The following LMOD3 variants were observed in gnomAD, a reference collection of about 807,000 sequenced individuals.
The protein encoded by LMOD3 is leiomodin-3.
LMOD3 carries 31 observed loss-of-function variants against 41.8 expected under a neutral mutation model. The ratio of observed to expected loss-of-function variants is 0.74; its 90% confidence interval spans 0.56 to 1.00. The LOEUF (loss-of-function observed/expected upper bound fraction) is 1.00. Ranked by LOEUF, LMOD3 falls within the 50% of genes least tolerant of loss-of-function variation. LMOD3 has a pLI of 0.00. For synonymous variants in LMOD3, 292 were observed against 241.9 expected (o/e 1.21, Z -1.92); for missense variants, 755 against 679.5 (o/e 1.11, Z -1.23).
chr3:69,116,237 G>A (rs2092372144), intron 2 of LMOD3, among the ~76,000 whole-genome samples: 1 of 152,230 alleles, frequency 6.6e-6, no homozygotes, highest in Non-Finnish European at 1.5e-5. Context: ...AGTGCAAGGA[G>A]GCATTTTCAT....
chr3:69,113,128 A>AG (rs1308633591), intron 2 of LMOD3, among the ~76,000 whole-genome samples: 1 of 151,976 alleles, frequency 6.6e-6, no homozygotes, highest in Non-Finnish European at 1.5e-5. Context: ...ATGGGGGAGG[A>AG]GGGGTCGAAG....
intron 2 of LMOD3, among the ~76,000 whole-genome samples, chr3:69,117,976 T>C (rs2092384180): frequency 6.6e-6 from 1 of 151,954 alleles, no homozygotes; most frequent in Admixed American, 6.6e-5. Context: ...GGACTACAGG[T>C]GCCCGCCACC....
At chr3:69,111,230 T>C (rs1306861862) in intron 2 of LMOD3, among the ~76,000 whole-genome samples, 1 of 152,204 alleles carries the variant, frequency 6.6e-6, no homozygotes, top group African/African-American at 2.4e-5. Flanking sequence ...TGGCTAGGAA[T>C]GTTTTTCCAA....
rs752807599 is a variant in LMOD3 at position 69,107,453 on chromosome 3, GTTTTTTTTTTTTTTTTTTT to G, written c.*1623_*1641del. ...AAAGAAGAGAGAAAAGGCACCAAAG[GTTTTTTTTTTTTTTTTTTT>G]TTTTTTTTTTTTTTTTTTTTTTGAG... On this transcript the variant is annotated 3_prime_UTR_variant, in exon 3 of 3. Coordinates refer to ENST00000420581, the MANE Select transcript of LMOD3 (RefSeq NM_198271.5). 2.6e-3 allele frequency: 97 copies of G among 37,372 alleles called. No individual in the cohort carries two copies. Among genetic ancestry groups the G allele is most frequent in the Middle Eastern group, 0.016 (1 of 62 alleles). 2.3% of individuals were successfully genotyped at this position (37,372 alleles called of 1,614,324 possible).
intron 2 of LMOD3, among the ~76,000 whole-genome samples, chr3:69,117,044 T>C (rs765698624): frequency 1.3e-5 from 2 of 152,252 alleles, no homozygotes; most frequent in Non-Finnish European, 2.9e-5. Context: ...GTGGTAGAAC[T>C]AGTTTCTCTC....
chr3:69,118,656 T>C (rs1285318890), intron 2 of LMOD3, 43 bp downstream of exon 2: 2 of 1,569,804 alleles, frequency 1.3e-6, no homozygotes, highest in Non-Finnish European at 1.7e-6. Flanking sequence ...ATGCATTTAC[T>C]ATGGAGGGTG....
chr3:69,110,909 T>TAAAACAACA lies in LMOD3; in HGVS notation c.1657-1797_1657-1789dup, dbSNP rs1195447646. On this transcript the variant is annotated intron_variant, in intron 2 of 2. Transcript: ENST00000420581. ...CATCCCCCAAGACAAAAAAAAATTATAAAACAACAACAGAAGTCCAACACT... is the reference window on the plus strand; with the variant it reads ...CATCCCCCAAGACAAAAAAAAATTATAAAACAACAAAAACAACAACAGAAGTCCAACACT... Among the ~76,000 whole-genome samples, 3 of 142,184 alleles carry TAAAACAACA rather than the reference T, an allele frequency of 2.1e-5. No homozygotes were observed. In the East Asian group the frequency reaches 6.5e-4, roughly 31 times the overall value. 93.3% of individuals were successfully genotyped at this position (142,184 alleles called of 152,430 possible).
At chr3:69,115,932 G>A (rs545482166) in intron 2 of LMOD3, among the ~76,000 whole-genome samples, 323 of 152,216 alleles carry the variant, frequency 2.1e-3, no homozygotes, top group African/African-American at 7.6e-3. Context: ...TACCTCCATT[G>A]AGTCATGTGC....
At position 69,109,088 on chromosome 3, in the gene LMOD3, T is replaced by A; in HGVS notation, c.*7A>T. ...TTTCTTGTTCTTCTAGATGGCTCTG[T>A]TGCCTCTTACGCCAGTTCTTTTGGC... On this transcript the variant is annotated 3_prime_UTR_variant, in exon 3 of 3. Coordinates refer to ENST00000420581, the MANE Select transcript of LMOD3 (RefSeq NM_198271.5). 2 of 1,598,174 alleles carry A rather than the reference T, an allele frequency of 1.3e-6. No homozygotes were observed. Among genetic ancestry groups the A allele is most frequent in the Non-Finnish European group, 1.7e-6 (2 of 1,171,700 alleles).
chr3:69,108,056 G>A lies in LMOD3; in HGVS notation c.*1039C>T, dbSNP rs747000777. 4.6e-5 allele frequency: 7 copies of A among 152,148 alleles called. No homozygotes were observed. Among genetic ancestry groups the A allele is most frequent in the Non-Finnish European group, 5.9e-5 (4 of 68,034 alleles). 9.4% of individuals were successfully genotyped at this position (152,148 alleles called of 1,614,324 possible). On this transcript the variant is annotated 3_prime_UTR_variant, in exon 3 of 3. Transcript: ENST00000420581. ...AGGGTGTGCACAAGGATGTTTCATC[G>A]AGTAGAGTATAAAGGATTTGTGGGA...
In LMOD3 at chr3:69,118,766, A is replaced by G; in HGVS notation, c.1589T>C (p.Val530Ala). The change falls in exon 2 of 3, where the codon GTG (valine) becomes GCG (alanine). Residue 530 changes from valine to alanine, a missense_variant. By Grantham distance (64) the Val-to-Ala change is moderately conservative (BLOSUM62 0). Transcript: ENST00000420581. Reference protein sequence around the residue: ...PVPRNRPPPLVEITPRDQLLN... With the variant: ...PVPRNRPPPLAEITPRDQLLN... ...CAGCTGATCTCTGGGAGTGATTTCCACCAATGGGGGTGGCCTGTTTCTCGG... is the reference window on the plus strand; with the variant it reads ...CAGCTGATCTCTGGGAGTGATTTCCGCCAATGGGGGTGGCCTGTTTCTCGG... 1.2e-6 allele frequency: 2 copies of G among 1,611,448 alleles called. No individual in the cohort carries two copies. The highest frequency in any genetic ancestry group is 1.1e-5 in the South Asian group (1 of 90,804).
chr3:69,117,198 G>A (rs2092378634), intron 2 of LMOD3, among the ~76,000 whole-genome samples: 2 of 152,198 alleles, frequency 1.3e-5, no homozygotes, highest in African/African-American at 4.8e-5. Context: ...CCTGGCCACT[G>A]CTCCAGGAAG....
chr3:69,118,564 G>A (rs150063194), intron 2 of LMOD3, 135 bp downstream of exon 2: 424 of 953,532 alleles, frequency 4.4e-4, no homozygotes, highest in Non-Finnish European at 6.2e-4. Flanking sequence ...TAGTTCTATT[G>A]GTAATGCTCA....
Position 69,114,087 on chromosome 3 carries a change from C to G in LMOD3, c.1656+4612G>C, listed in dbSNP as rs76299315. 2.1e-3 allele frequency among the ~76,000 whole-genome samples: 327 copies of G among 152,196 alleles called. 3 individuals carry two copies. The highest frequency in any genetic ancestry group is 3.8e-3 in the Non-Finnish European group (257 of 68,016). Reference sequence around the variant, plus strand: ...GTAAATGAGTGAAGCATGCCAGGTACAAAGCAGTAAGGGCAAAAGAGAAAA... The same window carrying G: ...GTAAATGAGTGAAGCATGCCAGGTAGAAAGCAGTAAGGGCAAAAGAGAAAA... On this transcript the variant is annotated intron_variant, in intron 2 of 2. Coordinates refer to ENST00000420581, the MANE Select transcript of LMOD3 (RefSeq NM_198271.5).
chr3:69,121,266 A>C (rs1278008953), intron 1 of LMOD3, among the ~76,000 whole-genome samples: 1 of 152,208 alleles, frequency 6.6e-6, no homozygotes, highest in Non-Finnish European at 1.5e-5. Flanking sequence ...TCTTAATCTT[A>C]GCACATGTTT....
In LMOD3 at chr3:69,106,676, C is replaced by T. The variant is rs1245723691; in HGVS notation, c.*2419G>A. Among the ~76,000 whole-genome samples the T allele has an allele frequency of 1.3e-5, 2 of 150,820 alleles. No individual in the cohort carries two copies. The highest frequency in any genetic ancestry group is 2.9e-5 in the Non-Finnish European group (2 of 67,832). ...AATACTGTGGCTATACAAACAAATG[C>T]ATAGGGGCTTTCTAGAATTTTTTTT... On this transcript the variant is annotated 3_prime_UTR_variant, in exon 3 of 3. Coordinates refer to ENST00000420581, the MANE Select transcript of LMOD3 (RefSeq NM_198271.5).
rs1279475830 is a variant in LMOD3 at position 69,122,299 on chromosome 3, C to T, written c.88G>A (p.Glu30Lys). Residue 30 changes from glutamate to lysine, a missense_variant, in exon 1 of 3, where the codon GAA becomes AAA. Glu to Lys is a moderately conservative substitution (Grantham distance 56, BLOSUM62 1). Transcript: ENST00000420581. ...EDEILANLSAEELKELQSEME... is the reference protein window; with the variant it reads ...EDEILANLSAKELKELQSEME... The stretch of plus-strand genomic sequence containing the variant: ...TCCGACTGCAGTTCTTTCAGTTCTT[C>T]AGCAGACAAGTTGGCCAAGATTTCA... 2 of 1,613,228 alleles carry T rather than the reference C, an allele frequency of 1.2e-6. No homozygotes were observed. The highest frequency in any genetic ancestry group is 4.5e-5 in the East Asian group (2 of 44,806).
At chr3:69,113,178 C>A (rs2092357218) in intron 2 of LMOD3, among the ~76,000 whole-genome samples, 1 of 152,074 alleles carries the variant, frequency 6.6e-6, no homozygotes, top group Admixed American at 6.6e-5. Context: ...AGTTTCAGAC[C>A]TGAATGCGTG....
chr3:69,109,044 C>T lies in LMOD3; in HGVS notation c.*51G>A, dbSNP rs575145635. 1.3e-6 allele frequency: 2 copies of T among 1,513,920 alleles called. No homozygotes were observed. Among genetic ancestry groups the T allele is most frequent in the South Asian group, 2.4e-5 (2 of 83,936 alleles). 93.8% of individuals were successfully genotyped at this position (1,513,920 alleles called of 1,614,324 possible). On this transcript the variant is annotated 3_prime_UTR_variant, in exon 3 of 3. Coordinates refer to ENST00000420581, the MANE Select transcript of LMOD3 (RefSeq NM_198271.5). ...GCTGACATAGTCTCCATGCTGTAAT[C>T]CAAGAGTCACTATTTCCATTTCTTG...
Sources: gnomAD v4.1 joint callset for allele counts (sites outside exome capture counted in the v4.1 genomes callset) on GRCh38, gnomAD v4.1.1 for gene constraint, MANE v1.5 for transcripts, NCBI Gene and HGNC (gene_info 2026-07-23, HGNC 2026-07-21) for gene names.